The following RBFOX3 variants were observed in gnomAD, a reference collection of about 807,000 sequenced individuals.
The protein encoded by RBFOX3 is RNA binding protein fox-1 homolog 3.
A neutral mutation model predicts 48.7 loss-of-function variants in RBFOX3; 17 were observed. The ratio of observed to expected loss-of-function variants is 0.35; its 90% confidence interval spans 0.24 to 0.52. The LOEUF (loss-of-function observed/expected upper bound fraction) is 0.52, where lower values mean the gene tolerates loss of function less well. Ranked by LOEUF, RBFOX3 falls within the 20% of genes least tolerant of loss-of-function variation. RBFOX3 has a pLI of 0.94. For missense variants in RBFOX3, 382 were observed against 497.5 expected (o/e 0.77, Z 2.21); for synonymous variants, 212 against 209.5 (o/e 1.01, Z -0.10).
chr17:79,250,955 C>T lies in RBFOX3; in HGVS notation c.-73-15150G>A, dbSNP rs192285032. Reference sequence around the variant, plus strand: ...TCCTGAGTAGCTGGGATTACATGTACGTGCCACCAAGCCCGGCTAATTTTT... The same window carrying T: ...TCCTGAGTAGCTGGGATTACATGTATGTGCCACCAAGCCCGGCTAATTTTT... On this transcript the variant is annotated intron_variant, in intron 3 of 14. Coordinates refer to ENST00000693108, the MANE Select transcript of RBFOX3 (RefSeq NM_001350451.2). Among the ~76,000 whole-genome samples, 287 of 152,080 alleles carry T rather than the reference C, an allele frequency of 1.9e-3. 2 individuals carry two copies. The highest frequency in any genetic ancestry group is 6.6e-3 in the African/African-American group (272 of 41,478).
chr17:79,160,258 C>A (rs367758488), intron 4 of RBFOX3, among the ~76,000 whole-genome samples: 4 of 150,624 alleles, frequency 2.7e-5, no homozygotes, highest in African/African-American at 1.0e-4. Flanking sequence ...GGGCTGACGC[C>A]TAGGACCCCA....
intron 1 of RBFOX3, among the ~76,000 whole-genome samples, chr17:79,573,385 A>C (rs2092746820): frequency 1.3e-5 from 2 of 152,238 alleles, no homozygotes; most frequent in African/African-American, 4.8e-5. Flanking sequence ...TGGGCTATGC[A>C]GTCCCCAGCC....
intron 4 of RBFOX3, among the ~76,000 whole-genome samples, chr17:79,213,957 T>C (rs2147196810): frequency 6.6e-6 from 1 of 152,350 alleles, no homozygotes; most frequent in Middle Eastern, 3.4e-3. Context: ...GCGTGCTGCC[T>C]GTGACCTGTG....
At chr17:79,536,600 C>G (rs575023832) in intron 1 of RBFOX3, among the ~76,000 whole-genome samples, 20 of 148,132 alleles carry the variant, frequency 1.4e-4, no homozygotes, top group Admixed American at 9.3e-4. Flanking sequence ...CTCGGGCCTC[C>G]TTGGCCACGG....
In RBFOX3 at chr17:79,091,122, C is replaced by A. The variant is rs1035736261; in HGVS notation, c.1078-237G>T. ...CTGGGGCCCTGAGGAGGAGACAGAG[C>A]TGAGCAGGGCAGGGTGAGTGGAGAG... On this transcript the variant is annotated intron_variant, in intron 14 of 14. Coordinates refer to ENST00000693108, the MANE Select transcript of RBFOX3 (RefSeq NM_001350451.2). Among the ~76,000 whole-genome samples the A allele has an allele frequency of 2.0e-5, 3 of 152,336 alleles. No individual in the cohort carries two copies. The East Asian group carries it at 5.8e-4, about 29-fold the overall frequency.
rs968006638 is a variant in RBFOX3, at chr17:79,199,966, G to A, written c.-34+35800C>T. Among the ~76,000 whole-genome samples the A allele has an allele frequency of 6.6e-6, 1 of 152,238 alleles. No individual in the cohort carries two copies. On this transcript the variant is annotated intron_variant, in intron 4 of 14. Transcript: ENST00000693108. This position sits in a 1 kb window ranked among gnomAD's most constrained non-coding sequence, Gnocchi z 5.1. ...ACCTGAAGTCAGGAGTTCAAGACCA[G>A]CCTGGCCAACATGGTGAAACTCCGT...
intron 4 of RBFOX3, chr17:79,208,413 G>A (rs2057836670): frequency 6.6e-6 from 1 of 152,342 alleles, no homozygotes; most frequent in Admixed American, 6.5e-5. Flanking sequence ...AGTCAGTCGG[G>A]AAGGTTGGGT....
intron 2 of RBFOX3, among the ~76,000 whole-genome samples, chr17:79,431,573 C>T (rs971153593): frequency 4.0e-5 from 6 of 150,996 alleles, no homozygotes; most frequent in Non-Finnish European, 8.8e-5. Flanking sequence ...CAACCTCTGC[C>T]TCCTGGGTTC....
chr17:79,358,948 G>A (rs952657199), intron 2 of RBFOX3, among the ~76,000 whole-genome samples: 1 of 152,200 alleles, frequency 6.6e-6, no homozygotes, highest in Admixed American at 6.5e-5. Context: ...TGCCCCCAGA[G>A]GGCTCGCGCA....
At chr17:79,657,524 C>T in the RBFOX3 span, among the ~76,000 whole-genome samples, 9 of 152,308 alleles carry the variant, frequency 5.9e-5, no homozygotes, top group East Asian at 1.7e-3. Flanking sequence ...ACTAAAAATA[C>T]AACAATTAGC....
intron 3 of RBFOX3, among the ~76,000 whole-genome samples, chr17:79,278,113 T>A (rs2069350030): frequency 6.6e-6 from 1 of 152,110 alleles, no homozygotes; most frequent in Admixed American, 6.5e-5. Context: ...ACATCTGGAA[T>A]TGAGATGGCC....
At chr17:79,378,789 T>C (rs1353757029) in intron 2 of RBFOX3, among the ~76,000 whole-genome samples, 1 of 152,226 alleles carries the variant, frequency 6.6e-6, no homozygotes, top group Non-Finnish European at 1.5e-5. Flanking sequence ...TCACAGCACA[T>C]TGATCTCAGC....
At chr17:79,300,648 C>A (rs1438544614) in intron 3 of RBFOX3, among the ~76,000 whole-genome samples, 3 of 152,106 alleles carry the variant, frequency 2.0e-5, no homozygotes, top group African/African-American at 4.8e-5. Context: ...GATGGAGAGA[C>A]CATTTCGGAT....
At chr17:79,590,006 C>T (rs2093369931) in intron 1 of RBFOX3, among the ~76,000 whole-genome samples, 1 of 152,114 alleles carries the variant, frequency 6.6e-6, no homozygotes, top group African/African-American at 2.4e-5. Context: ...GGGAAGGTGC[C>T]CTCCACCCCC....
In RBFOX3 at chr17:79,176,141, C is replaced by T. The variant is rs115150601; in HGVS notation, c.-34+59625G>A. On this transcript the variant is annotated intron_variant, in intron 4 of 14. Transcript: ENST00000693108. Reference sequence around the variant, plus strand: ...TTTGCGGAAGGGGGTCCTCTGGAGACGGTGACGCCCCACCTCTTTGCCTTC... The same window carrying T: ...TTTGCGGAAGGGGGTCCTCTGGAGATGGTGACGCCCCACCTCTTTGCCTTC... Among the ~76,000 whole-genome samples the T allele has an allele frequency of 8.5e-3, 1,302 of 152,312 alleles. 30 individuals are homozygous for T. Among genetic ancestry groups the T allele is most frequent in the African/African-American group, 0.029 (1,226 of 41,570 alleles).
intron 1 of RBFOX3, among the ~76,000 whole-genome samples, chr17:79,541,515 C>T (rs78023224): frequency 3.9e-5 from 6 of 152,176 alleles, no homozygotes; most frequent in Non-Finnish European, 8.8e-5. Context: ...CCTGTCCCTC[C>T]GGAGGAAGCA....
At chr17:79,168,749 C>T (rs879272570) in intron 4 of RBFOX3, among the ~76,000 whole-genome samples, 9 of 152,242 alleles carry the variant, frequency 5.9e-5, no homozygotes, top group South Asian at 2.1e-4. Flanking sequence ...GCCATGGTCT[C>T]CTCTGTCAGC....
chr17:79,151,465 G>A (rs1599692266), intron 4 of RBFOX3, among the ~76,000 whole-genome samples: 1 of 17,120 alleles, frequency 5.8e-5, no homozygotes, highest in African/African-American at 2.8e-4. Flanking sequence ...GGACCTGCAG[G>A]GGGAGGAGGG....
At chr17:79,345,161 T>C (rs961539742) in intron 2 of RBFOX3, among the ~76,000 whole-genome samples, 1 of 152,232 alleles carries the variant, frequency 6.6e-6, no homozygotes, top group Non-Finnish European at 1.5e-5. Context: ...AACAGCAGTG[T>C]TCCTGAGAGC....
Sources: allele counts gnomAD v4.1 joint callset (sites outside exome capture counted in the v4.1 genomes callset), GRCh38; gene constraint gnomAD v4.1.1; non-coding constraint Gnocchi (gnomAD v3.1); transcripts MANE v1.5; gene names NCBI Gene and HGNC (gene_info 2026-07-23, HGNC 2026-07-21).